TNS3: variants seen among roughly 807,000 people sequenced by gnomAD.
TNS3 encodes the protein tensin 3, also known as tensin-3.
A neutral mutation model predicts 140.9 loss-of-function variants in TNS3; 45 were observed. That is an observed-to-expected ratio of 0.32 (90% CI 0.25 to 0.41). TNS3 has a LOEUF of 0.41. Among genes scored for constraint, TNS3 ranks in the 10% least tolerant of loss-of-function variants. The pLI is 1.00. For synonymous variants in TNS3, 815 were observed against 788.4 expected (o/e 1.03, Z -0.56); for missense variants, 1,716 against 1,906.7 (o/e 0.90, Z 1.86).
chr7:47,549,156 C>T (rs1340957201), intron 1 of TNS3, among the ~76,000 whole-genome samples: 1 of 150,558 alleles, frequency 6.6e-6, no homozygotes, highest in African/African-American at 2.5e-5. Flanking sequence ...GCACAAAACC[C>T]TCTCCAGCTT....
rs542206262 is a variant in TNS3 at position 47,385,799 on chromosome 7, C to T, written c.1024+11001G>A. 2.0e-5 allele frequency among the ~76,000 whole-genome samples: 3 copies of T among 152,318 alleles called. No individual in the cohort carries two copies. The South Asian group carries it at 6.2e-4, about 32-fold the overall frequency. On this transcript the variant is annotated intron_variant, in intron 16 of 30. Coordinates refer to ENST00000311160, the MANE Select transcript of TNS3 (RefSeq NM_022748.12). ...TCCCCCGCCGCTTTTCCTTCTGCCTCATCCTAGTCAGGGGCCCAGCAGCAT... is the reference window on the plus strand; with the variant it reads ...TCCCCCGCCGCTTTTCCTTCTGCCTTATCCTAGTCAGGGGCCCAGCAGCAT...
chr7:47,496,580 G>A (rs1031846541), intron 3 of TNS3, among the ~76,000 whole-genome samples: 1 of 152,210 alleles, frequency 6.6e-6, no homozygotes, highest in Non-Finnish European at 1.5e-5. Flanking sequence ...CGGCCAGAAC[G>A]TGTTTCAAGA....
intron 17 of TNS3, among the ~76,000 whole-genome samples, chr7:47,352,121 TCA>T (rs951214112): frequency 3.3e-4 from 49 of 149,044 alleles, no homozygotes; most frequent in East Asian, 6.0e-4. Context: ...TCTTAGTCTC[TCA>T]CACACTCTTA....
intron 3 of TNS3, among the ~76,000 whole-genome samples, chr7:47,488,973 T>A (rs981202133): frequency 3.9e-5 from 6 of 152,224 alleles, no homozygotes; most frequent in African/African-American, 1.4e-4. Flanking sequence ...CAGTACAAAA[T>A]GAGGACATTC....
At chr7:47,280,064 T>G in intron 30 of TNS3, 100 bp downstream of exon 30, 1 of 1,428,092 alleles carries the variant, frequency 7.0e-7, no homozygotes. Flanking sequence ...GGTGTAGTCA[T>G]TTTCTTATAA....
intron 3 of TNS3, among the ~76,000 whole-genome samples, chr7:47,503,079 C>T (rs55899713): frequency 0.019 from 2,946 of 152,236 alleles, 114 homozygotes; most frequent in African/African-American, 0.068. Context: ...ATTACTCCTG[C>T]GCATGTTCCC....
chr7:47,381,926 A>G (rs1212761159), intron 16 of TNS3, among the ~76,000 whole-genome samples: 1 of 152,234 alleles, frequency 6.6e-6, no homozygotes, highest in Non-Finnish European at 1.5e-5. Context: ...ACTTTGCTTT[A>G]AAGAATACAC....
chr7:47,540,180 G>A (rs1005867952), intron 1 of TNS3, among the ~76,000 whole-genome samples: 1 of 151,950 alleles, frequency 6.6e-6, no homozygotes, highest in African/African-American at 2.4e-5. Flanking sequence ...GTTCTTCCCA[G>A]GAACAAAACG....
intron 1 of TNS3, among the ~76,000 whole-genome samples, chr7:47,567,869 G>A (rs772543831): frequency 6.6e-6 from 1 of 152,154 alleles, no homozygotes; most frequent in Non-Finnish European, 1.5e-5. Flanking sequence ...GTAAACTGTG[G>A]TACATCCCTC....
intron 2 of TNS3, among the ~76,000 whole-genome samples, chr7:47,519,448 A>G (rs58340614): frequency 0.03 from 4,539 of 152,292 alleles, 232 homozygotes; most frequent in African/African-American, 0.1. Context: ...ATTTGGAAGG[A>G]AACAAGTCCC....
chr7:47,578,361 C>T (rs927402272), intron 1 of TNS3, among the ~76,000 whole-genome samples: 1 of 152,120 alleles, frequency 6.6e-6, no homozygotes, highest in African/African-American at 2.4e-5. Flanking sequence ...CTCCCCTTCC[C>T]TGACACAGTG....
chr7:47,442,418 C>T (rs1162452087), intron 4 of TNS3, among the ~76,000 whole-genome samples: 1 of 152,234 alleles, frequency 6.6e-6, no homozygotes, highest in East Asian at 1.9e-4. Flanking sequence ...CTATTATTTA[C>T]TTGAAAGAAC....
intron 1 of TNS3, among the ~76,000 whole-genome samples, chr7:47,538,779 T>TTTCC (rs1427803502): frequency 6.6e-6 from 1 of 152,176 alleles, no homozygotes; most frequent in Non-Finnish European, 1.5e-5. Context: ...GGCATTCTCA[T>TTTCC]TTCCCCCTGT....
At chr7:47,380,035 C>T (rs1791651462) in intron 16 of TNS3, among the ~76,000 whole-genome samples, 1 of 152,270 alleles carries the variant, frequency 6.6e-6, no homozygotes, top group Non-Finnish European at 1.5e-5. Context: ...GAAGGCATCC[C>T]ACTGCAGAGC....
chr7:47,477,750 C>T (rs1797248619), intron 4 of TNS3, among the ~76,000 whole-genome samples: 2 of 152,146 alleles, frequency 1.3e-5, no homozygotes, highest in African/African-American at 4.8e-5. Flanking sequence ...GATCACAGTG[C>T]CAGAAGACTC....
chr7:47,549,678 G>A (rs1014111876), intron 1 of TNS3, among the ~76,000 whole-genome samples: 1 of 151,980 alleles, frequency 6.6e-6, no homozygotes, highest in Non-Finnish European at 1.5e-5. Context: ...TGAGGCCCTA[G>A]GGAAAAGTCC....
chr7:47,460,870 C>T (rs945930029), intron 4 of TNS3, among the ~76,000 whole-genome samples: 2 of 152,214 alleles, frequency 1.3e-5, no homozygotes, highest in Non-Finnish European at 2.9e-5. Flanking sequence ...CTACTTTCAG[C>T]TCTTCCTCCA....
chr7:47,345,147 C>CT (rs1789260376), intron 18 of TNS3, 109 bp from the exon 19 acceptor site: 1 of 778,068 alleles, frequency 1.3e-6, no homozygotes, highest in South Asian at 1.5e-5. Flanking sequence ...CAAACCCCTC[C>CT]TCTGACAGTA....
intron 3 of TNS3, among the ~76,000 whole-genome samples, chr7:47,485,006 C>T (rs569773850): frequency 6.6e-6 from 1 of 152,322 alleles, no homozygotes. Flanking sequence ...GGGAGGGTCC[C>T]GGTGCACTGC....
Sources: allele counts gnomAD v4.1 joint callset (sites outside exome capture counted in the v4.1 genomes callset), GRCh38; gene constraint gnomAD v4.1.1; transcripts MANE v1.5; gene names NCBI Gene and HGNC (gene_info 2026-07-23, HGNC 2026-07-21).